The following AK9 variants were observed in gnomAD, a reference collection of about 807,000 sequenced individuals.
The protein encoded by AK9 is adenylate kinase domain containing 1.
In AK9, 191 loss-of-function variants were observed where a neutral mutation model predicts 239.6. The ratio of observed to expected loss-of-function variants is 0.80; its 90% CI spans 0.71 to 0.90. AK9 has a LOEUF of 0.90. AK9 is among the 40% of genes least tolerant of loss of function. AK9 has a pLI of 0.00. For missense variants in AK9, 1,995 were observed against 2,214.7 expected (o/e 0.90, Z 1.99); for synonymous variants, 689 against 721.0 (o/e 0.96, Z 0.71).
intron 5 of AK9, among the ~76,000 whole-genome samples, chr6:109,667,921 A>G (rs1801475422): frequency 6.6e-6 from 1 of 152,192 alleles, no homozygotes; most frequent in Non-Finnish European, 1.5e-5. Flanking sequence ...TATACCCAGT[A>G]ATGGGATGGC....
chr6:109,606,578 C>A (rs1792911920), intron 17 of AK9, among the ~76,000 whole-genome samples: 1 of 152,288 alleles, frequency 6.6e-6, no homozygotes, highest in South Asian at 2.1e-4. Context: ...CACAGAGTGG[C>A]AGGTTTGACA....
chr6:109,561,782 C>T (rs1448053450), intron 24 of AK9, among the ~76,000 whole-genome samples: 1 of 152,028 alleles, frequency 6.6e-6, no homozygotes, highest in Non-Finnish European at 1.5e-5. Flanking sequence ...ATATGATGTA[C>T]TTGGTGCTAT....
chr6:109,648,682 T>C (rs532509372), intron 8 of AK9, among the ~76,000 whole-genome samples: 1 of 152,314 alleles, frequency 6.6e-6, no homozygotes, highest in African/African-American at 2.4e-5. Context: ...GCTGGTACCA[T>C]TCCTTCTGAA....
chr6:109,536,691 A>G (rs918875656), intron 27 of AK9, among the ~76,000 whole-genome samples: 1 of 152,186 alleles, frequency 6.6e-6, no homozygotes, highest in Non-Finnish European at 1.5e-5. Flanking sequence ...CAGTTTTCAA[A>G]GGGAATGCTT....
intron 2 of AK9, among the ~76,000 whole-genome samples, chr6:109,674,842 C>T (rs753117209): frequency 7.2e-5 from 11 of 152,028 alleles, no homozygotes; most frequent in Non-Finnish European, 1.6e-4. Flanking sequence ...GGTACCTGTC[C>T]CAGGGTCCAT....
At chr6:109,665,908 A>AGCCACT (rs1338753071) in intron 5 of AK9, among the ~76,000 whole-genome samples, 5 of 152,222 alleles carry the variant, frequency 3.3e-5, no homozygotes, top group Non-Finnish European at 5.9e-5. Flanking sequence ...CTGTTCCTAC[A>AGCCACT]GCCACTGCCA....
At chr6:109,647,582 C>T (rs1163966558) in intron 8 of AK9, among the ~76,000 whole-genome samples, 1 of 152,190 alleles carries the variant, frequency 6.6e-6, no homozygotes, top group African/African-American at 2.4e-5. Context: ...CACCCAGATT[C>T]ATAAAGCAAG....
At chr6:109,621,465 C>A (rs370585463) in intron 12 of AK9, among the ~76,000 whole-genome samples, 908 of 24,866 alleles carry the variant, frequency 0.037, 25 homozygotes, top group Admixed American at 0.068. Flanking sequence ...CGGCATTATT[C>A]ACAATAGCAA....
At position 109,610,546 on chromosome 6, in the gene AK9, T is replaced by C. The variant is rs1195910736; in HGVS notation, c.1694-33A>G. 3.3e-6 allele frequency: 5 copies of C among 1,533,988 alleles called. No homozygotes were observed. The South Asian group carries it at 6.1e-5, about 19-fold the overall frequency. Reference sequence around the variant, plus strand: ...AAAATAAGCTGATAAATTAATGCCATTAATAATTTTAGTGGACAATACTAC... The same window carrying C: ...AAAATAAGCTGATAAATTAATGCCACTAATAATTTTAGTGGACAATACTAC... On this transcript the variant is annotated intron_variant, in intron 16 of 40. Coordinates refer to ENST00000424296, the MANE Select transcript of AK9 (RefSeq NM_001145128.3).
At chr6:109,651,073 G>A (rs1385494148) in intron 8 of AK9, among the ~76,000 whole-genome samples, 5 of 151,978 alleles carry the variant, frequency 3.3e-5, no homozygotes, top group Non-Finnish European at 7.4e-5. Flanking sequence ...ACACACCGGG[G>A]ACTGTTGTGG....
At chr6:109,665,191 CTAATT>C (rs1178883290) in intron 5 of AK9, among the ~76,000 whole-genome samples, 2 of 152,294 alleles carry the variant, frequency 1.3e-5, no homozygotes, top group Non-Finnish European at 2.9e-5. Flanking sequence ...GCAATCCTAC[CTAATT>C]TAACTTAAAA....
intron 37 of AK9, 110 bp from the exon 38 acceptor site, chr6:109,497,673 G>T: frequency 7.3e-7 from 1 of 1,365,226 alleles, no homozygotes; most frequent in Non-Finnish European, 1.0e-6. Flanking sequence ...GCTCAAGGAA[G>T]AAATAGAATA....
intron 32 of AK9, among the ~76,000 whole-genome samples, chr6:109,513,340 AT>A (rs139369552): frequency 0.029 from 4,393 of 152,262 alleles, 98 homozygotes; most frequent in East Asian, 0.11. Context: ...TGTATGAACC[AT>A]ATTCCTTAAT....
At chr6:109,690,109 A>G (rs1448717234) in intron 1 of AK9, among the ~76,000 whole-genome samples, 2 of 152,208 alleles carry the variant, frequency 1.3e-5, no homozygotes, top group African/African-American at 4.8e-5. Flanking sequence ...TTATCTGGGT[A>G]TGCTATAATT....
intron 12 of AK9, among the ~76,000 whole-genome samples, chr6:109,621,893 T>TAA (rs59405869): frequency 2.0e-4 from 11 of 55,508 alleles, no homozygotes; most frequent in South Asian, 4.6e-4. Context: ...AAAGTATAAT[T>TAA]AAAAAAAAAA....
intron 6 of AK9, among the ~76,000 whole-genome samples, chr6:109,661,926 T>C (rs1237772553): frequency 2.0e-5 from 3 of 152,192 alleles, no homozygotes; most frequent in Non-Finnish European, 4.4e-5. Context: ...ATTCTAATAA[T>C]AAAAGAGAGA....
intron 9 of AK9, among the ~76,000 whole-genome samples, chr6:109,641,879 TA>T (rs1422648942): frequency 5.3e-5 from 8 of 152,206 alleles, no homozygotes; most frequent in Non-Finnish European, 1.0e-4. Flanking sequence ...GCAAAGACCT[TA>T]TTTCCAAATA....
At chr6:109,632,659 T>C in intron 12 of AK9, 1 of 747,394 alleles carries the variant, frequency 1.3e-6, no homozygotes, top group East Asian at 5.8e-5. Context: ...TGGCAGAGTC[T>C]GAATGACACG....
chr6:109,606,901 A>G (rs1792956530), intron 17 of AK9, among the ~76,000 whole-genome samples: 1 of 152,242 alleles, frequency 6.6e-6, no homozygotes, highest in South Asian at 2.1e-4. Context: ...CATTATTTCT[A>G]TATTTTTAAG....
Sources: allele counts gnomAD v4.1 joint callset (sites outside exome capture counted in the v4.1 genomes callset), GRCh38; gene constraint gnomAD v4.1.1; transcripts MANE v1.5; gene names NCBI Gene and HGNC (gene_info 2026-07-23, HGNC 2026-07-21).